The following PLXNC1 variants were observed in gnomAD, a reference collection of about 807,000 sequenced individuals.
PLXNC1 encodes the protein plexin-C1.
Under a neutral mutation model 178.2 loss-of-function variants are expected in PLXNC1, and 75 were observed. That is an observed-to-expected ratio of 0.42 (90% CI 0.35 to 0.51). The LOEUF (loss-of-function observed/expected upper bound fraction) is 0.51. PLXNC1 is among the 20% of genes least tolerant of loss of function. The pLI, the probability that PLXNC1 is intolerant of heterozygous loss-of-function variation, is 0.02. For synonymous variants in PLXNC1, 790 were observed against 779.9 expected, an observed-to-expected ratio of 1.01 and a Z score of -0.22; for missense variants, 1,503 against 1,984.4, an observed-to-expected ratio of 0.76 and a Z score of 4.61.
chr12:94,196,301 G>C (rs1239800029), intron 4 of PLXNC1, among the ~76,000 whole-genome samples: 2 of 152,304 alleles, frequency 1.3e-5, no homozygotes, highest in East Asian at 3.9e-4. Context: ...GATCCCTCAT[G>C]AATGGCTTGG....
chr12:94,259,759 T>C, intron 19 of PLXNC1, 25 bp downstream of exon 19: 2 of 1,569,228 alleles, frequency 1.3e-6, no homozygotes, highest in Non-Finnish European at 1.7e-6. Flanking sequence ...TTTGATGTTT[T>C]AAAAGCCTTT....
intron 23 of PLXNC1, among the ~76,000 whole-genome samples, chr12:94,293,935 A>G (rs773910961): frequency 2.0e-5 from 3 of 151,980 alleles, no homozygotes; most frequent in South Asian, 2.1e-4. Context: ...GTCTCTTCTT[A>G]TAAGGGCACT....
chr12:94,195,182 C>A (rs573118387), intron 4 of PLXNC1, among the ~76,000 whole-genome samples: 10 of 152,176 alleles, frequency 6.6e-5, no homozygotes, highest in Admixed American at 1.3e-4. Context: ...CCTTCCAGCG[C>A]CATATTTGTG....
At chr12:94,255,729 C>T (rs1370581605) in intron 17 of PLXNC1, among the ~76,000 whole-genome samples, 1 of 152,126 alleles carries the variant, frequency 6.6e-6, no homozygotes, top group African/African-American at 2.4e-5. Context: ...AGGAAAAATA[C>T]TACTGGTCAA....
chr12:94,164,981 T>G (rs1016377163), intron 1 of PLXNC1, among the ~76,000 whole-genome samples: 1 of 152,118 alleles, frequency 6.6e-6, no homozygotes, highest in African/African-American at 2.4e-5. Flanking sequence ...TCGGATTTTG[T>G]CATGAAAGGC....
intron 2 of PLXNC1, among the ~76,000 whole-genome samples, chr12:94,172,668 C>T (rs951335671): frequency 6.6e-6 from 1 of 152,156 alleles, no homozygotes; most frequent in Non-Finnish European, 1.5e-5. Context: ...AAAATGCTTA[C>T]ATTAAAATGT....
intron 27 of PLXNC1, among the ~76,000 whole-genome samples, chr12:94,300,118 C>A (rs1414862807): frequency 1.3e-5 from 2 of 152,168 alleles, no homozygotes; most frequent in African/African-American, 2.4e-5. Flanking sequence ...CAGTTAGTTG[C>A]TGGAGATATA....
intron 12 of PLXNC1, 25 bp from the exon 13 acceptor site, chr12:94,247,878 A>G: frequency 6.2e-7 from 1 of 1,606,698 alleles, no homozygotes; most frequent in South Asian, 1.1e-5. Flanking sequence ...CAAAGTTACT[A>G]AAACATTCTT....
chr12:94,172,758 G>A (rs1961894269), intron 2 of PLXNC1, among the ~76,000 whole-genome samples: 1 of 152,122 alleles, frequency 6.6e-6, no homozygotes, highest in South Asian at 2.1e-4. Flanking sequence ...TTGAACTTAA[G>A]CTAAGATACT....
At chr12:94,240,182 C>A (rs544621801) in intron 10 of PLXNC1, among the ~76,000 whole-genome samples, 2 of 152,270 alleles carry the variant, frequency 1.3e-5, no homozygotes, top group East Asian at 3.9e-4. Flanking sequence ...CATAATGTAA[C>A]CCCCAGTTCA....
At chr12:94,183,851 A>G (rs564268866) in intron 3 of PLXNC1, among the ~76,000 whole-genome samples, 27 of 152,330 alleles carry the variant, frequency 1.8e-4, no homozygotes, top group Non-Finnish European at 3.4e-4. Flanking sequence ...TTAGCCCTGC[A>G]TTCTTCACTG....
intron 1 of PLXNC1, among the ~76,000 whole-genome samples, chr12:94,162,624 A>C (rs1168320338): frequency 6.6e-6 from 1 of 152,164 alleles, no homozygotes; most frequent in Non-Finnish European, 1.5e-5. Context: ...ATGAATGGGC[A>C]CTTGGGCTGA....
At chr12:94,190,360 A>G (rs1962675643) in intron 4 of PLXNC1, among the ~76,000 whole-genome samples, 1 of 152,178 alleles carries the variant, frequency 6.6e-6, no homozygotes, top group Admixed American at 6.5e-5. Context: ...CTTCCACTGC[A>G]GTCTCCCAAG....
intron 12 of PLXNC1, among the ~76,000 whole-genome samples, chr12:94,246,408 A>G (rs1426518989): frequency 6.6e-6 from 1 of 152,164 alleles, no homozygotes; most frequent in Non-Finnish European, 1.5e-5. Context: ...TTATAGCAGT[A>G]TCGTTGAAGG....
intron 4 of PLXNC1, among the ~76,000 whole-genome samples, chr12:94,187,883 C>T (rs1459774029): frequency 1.3e-5 from 2 of 151,848 alleles, no homozygotes; most frequent in African/African-American, 2.4e-5. Flanking sequence ...TAAGACCAGA[C>T]GAAGGAGTGA....
rs781133430 is a variant in PLXNC1 at position 94,297,441 on chromosome 12, G to A, written c.4074+18G>A. The A allele has an allele frequency of 7.0e-6, 11 of 1,570,680 alleles. No homozygotes were observed. In the Admixed American group the frequency reaches 1.7e-4, roughly 24 times the overall value. On this transcript the variant is annotated intron_variant, in intron 26 of 30. Coordinates refer to ENST00000258526, the MANE Select transcript of PLXNC1 (RefSeq NM_005761.3). ...CGACCAAGGTACACTTACTGTTCTG[G>A]GAGCACTTTATGGCTACCTAGGGGG...
intron 14 of PLXNC1, among the ~76,000 whole-genome samples, chr12:94,250,572 T>C (rs1164974466): frequency 6.6e-6 from 1 of 152,154 alleles, no homozygotes; most frequent in African/African-American, 2.4e-5. Context: ...TTAATACTTG[T>C]ATGTACATCA....
chr12:94,268,508 G>A (rs1297376675), intron 21 of PLXNC1, among the ~76,000 whole-genome samples: 2 of 151,126 alleles, frequency 1.3e-5, no homozygotes, highest in Non-Finnish European at 2.9e-5. Context: ...AGCACCAGGG[G>A]TAGGGCTGTG....
chr12:94,192,437 T>C (rs1962761990), intron 4 of PLXNC1, among the ~76,000 whole-genome samples: 1 of 151,576 alleles, frequency 6.6e-6, no homozygotes, highest in Non-Finnish European at 1.5e-5. Flanking sequence ...ATATAATGTG[T>C]ATCAGTTAGG....
Sources: allele counts gnomAD v4.1 joint callset (sites outside exome capture counted in the v4.1 genomes callset), GRCh38; gene constraint gnomAD v4.1.1; transcripts MANE v1.5; gene names NCBI Gene and HGNC (gene_info 2026-07-23, HGNC 2026-07-21).